The following HS6ST3 variants were observed in gnomAD, a reference collection of about 807,000 sequenced individuals.
HS6ST3 encodes heparan-sulfate 6-O-sulfotransferase 3.
In HS6ST3, 12 loss-of-function variants were observed where a neutral mutation model predicts 36.7. That is an observed-to-expected ratio of 0.33 (90% CI 0.21 to 0.53). HS6ST3 has a LOEUF of 0.53. HS6ST3 is among the 20% of genes least tolerant of loss of function. The pLI is 0.95. For missense variants in HS6ST3, 584 were observed against 640.9 expected (o/e 0.91, Z 0.96); for synonymous variants, 240 against 257.5 (o/e 0.93, Z 0.65).
At chr13:96,423,643 G>A (rs1290116344) in intron 1 of HS6ST3, among the ~76,000 whole-genome samples, 3 of 151,752 alleles carry the variant, frequency 2.0e-5, no homozygotes, top group Admixed American at 6.6e-5. Context: ...GAAGGAGCCC[G>A]CCCCACAAGT....
intron 1 of HS6ST3, among the ~76,000 whole-genome samples, chr13:96,502,821 C>A (rs1157169373): frequency 6.6e-6 from 1 of 152,100 alleles, no homozygotes; most frequent in Non-Finnish European, 1.5e-5. Context: ...TTAGCCAAGC[C>A]ATATATCTTG....
At chr13:96,380,881 C>T (rs988711748) in intron 1 of HS6ST3, among the ~76,000 whole-genome samples, 7 of 152,194 alleles carry the variant, frequency 4.6e-5, no homozygotes, top group Middle Eastern at 3.4e-3. Flanking sequence ...TACTCAGAAA[C>T]GGATCATAGT....
intron 1 of HS6ST3, among the ~76,000 whole-genome samples, chr13:96,812,138 G>A (rs1479533203): frequency 1.3e-5 from 2 of 152,042 alleles, no homozygotes; most frequent in Non-Finnish European, 2.9e-5. Context: ...TTCCTCCATT[G>A]CCTCAATCTG....
At chr13:96,399,664 T>C (rs533663746) in intron 1 of HS6ST3, among the ~76,000 whole-genome samples, 10 of 152,372 alleles carry the variant, frequency 6.6e-5, no homozygotes, top group African/African-American at 2.4e-4. Context: ...TCACTGACCA[T>C]TGCCAGATCT....
chr13:96,821,158 A>G (rs1235807886), intron 1 of HS6ST3, among the ~76,000 whole-genome samples: 2 of 152,162 alleles, frequency 1.3e-5, no homozygotes, highest in Non-Finnish European at 2.9e-5. Flanking sequence ...GCTTCTTCTA[A>G]GCTGTATATA....
chr13:96,099,382 T>A (rs1313748724), intron 1 of HS6ST3, among the ~76,000 whole-genome samples: 3 of 152,214 alleles, frequency 2.0e-5, no homozygotes, highest in Non-Finnish European at 2.9e-5. Flanking sequence ...AATGATAAAG[T>A]CAATGTTAAT....
chr13:96,236,008 G>T (rs2054532942), intron 1 of HS6ST3, among the ~76,000 whole-genome samples: 1 of 152,208 alleles, frequency 6.6e-6, no homozygotes, highest in Admixed American at 6.5e-5. Flanking sequence ...CCTTCAGCCT[G>T]TGGCCAAAGG....
chr13:96,597,942 G>A (rs2056407854), intron 1 of HS6ST3, among the ~76,000 whole-genome samples: 1 of 151,890 alleles, frequency 6.6e-6, no homozygotes, highest in Non-Finnish European at 1.5e-5. Flanking sequence ...CCTTTCCCCA[G>A]TGTAGGTTTT....
In HS6ST3 at chr13:96,249,673, C is replaced by A. The variant is rs888336715; in HGVS notation, c.707+158104C>A. ...AGGTGAATCTTTTTCATGTCAAAATCTGGAGATAATGGCAGCATTATTCAT... is the reference window on the plus strand; with the variant it reads ...AGGTGAATCTTTTTCATGTCAAAATATGGAGATAATGGCAGCATTATTCAT... On this transcript the variant is annotated intron_variant, in intron 1 of 1. Transcript: ENST00000376705. Among the ~76,000 whole-genome samples, 17 of 152,082 alleles carry A rather than the reference C, an allele frequency of 1.1e-4. 1 individual carries two copies. Among genetic ancestry groups the A allele is most frequent in the Admixed American group, 9.2e-4 (14 of 15,262 alleles).
chr13:96,210,584 CTTTTTTT>C (rs201409959), intron 1 of HS6ST3, among the ~76,000 whole-genome samples: 5 of 144,836 alleles, frequency 3.5e-5, no homozygotes, highest in African/African-American at 1.3e-4. Context: ...TCATTTCTTT[CTTTTTTT>C]TTTTTTTCTT....
chr13:96,807,544 G>A (rs1429135702), intron 1 of HS6ST3, among the ~76,000 whole-genome samples: 3 of 152,100 alleles, frequency 2.0e-5, no homozygotes, highest in African/African-American at 4.8e-5. Flanking sequence ...AAACACCAAC[G>A]ATTGCCAGCA....
intron 1 of HS6ST3, among the ~76,000 whole-genome samples, chr13:96,357,491 A>T (rs1479077010): frequency 6.6e-6 from 1 of 152,188 alleles, no homozygotes; most frequent in African/African-American, 2.4e-5. Flanking sequence ...GGGAATAGAG[A>T]GGCATGAGGA....
At chr13:96,333,809 A>G (rs2055085310) in intron 1 of HS6ST3, among the ~76,000 whole-genome samples, 1 of 152,196 alleles carries the variant, frequency 6.6e-6, no homozygotes, top group Non-Finnish European at 1.5e-5. Context: ...TCCAATTGAA[A>G]GAAGGCTTCC....
intron 1 of HS6ST3, among the ~76,000 whole-genome samples, chr13:96,415,419 C>T (rs771696444): frequency 6.6e-5 from 10 of 152,312 alleles, no homozygotes; most frequent in Non-Finnish European, 8.8e-5. Flanking sequence ...TGCTAAGCTA[C>T]GACAATTTTC....
chr13:96,565,835 C>T (rs1476990953), intron 1 of HS6ST3, among the ~76,000 whole-genome samples: 7 of 152,246 alleles, frequency 4.6e-5, no homozygotes, highest in African/African-American at 1.4e-4. Context: ...TCTTAAACCT[C>T]AGCCTTAAAT....
At chr13:96,133,477 C>T (rs1285622739) in intron 1 of HS6ST3, among the ~76,000 whole-genome samples, 1 of 151,848 alleles carries the variant, frequency 6.6e-6, no homozygotes, top group Non-Finnish European at 1.5e-5. Context: ...GGCAGGAGTG[C>T]AGTGGTGCAA....
At chr13:96,710,221 A>G (rs1875526842) in intron 1 of HS6ST3, among the ~76,000 whole-genome samples, 1 of 152,280 alleles carries the variant, frequency 6.6e-6, no homozygotes, top group African/African-American at 2.4e-5. Flanking sequence ...AAGACAGCCA[A>G]AGAAAATAGG....
intron 1 of HS6ST3, among the ~76,000 whole-genome samples, chr13:96,411,693 G>A (rs554310717): frequency 6.6e-6 from 1 of 152,222 alleles, no homozygotes; most frequent in Non-Finnish European, 1.5e-5. Flanking sequence ...AACCTGATTA[G>A]AGGCAGGGCA....
intron 1 of HS6ST3, among the ~76,000 whole-genome samples, chr13:96,366,450 A>AATAAATAT (rs2055263350): frequency 1.3e-5 from 2 of 151,654 alleles, no homozygotes; most frequent in African/African-American, 4.9e-5. Context: ...CCTTGTCTCA[A>AATAAATAT]ATAAATAAAT....
Sources: allele counts gnomAD v4.1 joint callset (sites outside exome capture counted in the v4.1 genomes callset), GRCh38; gene constraint gnomAD v4.1.1; transcripts MANE v1.5; gene names NCBI Gene and HGNC (gene_info 2026-07-23, HGNC 2026-07-21).